Variants in SLIT3 observed in about 807,000 individuals in gnomAD.
SLIT3 encodes slit guidance ligand 3, also known as slit homolog 3 protein.
A neutral mutation model predicts 184.0 loss-of-function variants in SLIT3; 68 were observed. The observed-to-expected ratio is 0.37, with a 90% CI of 0.30 to 0.45. The LOEUF (loss-of-function observed/expected upper bound fraction) is 0.45, where lower values mean the gene tolerates loss of function less well. Among genes scored for constraint, SLIT3 ranks in the 20% least tolerant of loss-of-function variants. The pLI is 1.00. For missense variants in SLIT3, 1,707 were observed against 2,026.0 expected (o/e 0.84, Z 3.02); for synonymous variants, 831 against 828.6 (o/e 1.00, Z -0.05).
At chr5:169,203,795 G>A (rs1763980308) in intron 3 of SLIT3, among the ~76,000 whole-genome samples, 1 of 152,112 alleles carries the variant, frequency 6.6e-6, no homozygotes, top group Non-Finnish European at 1.5e-5. Flanking sequence ...CAAGGATGAG[G>A]CTGATATTTT....
intron 4 of SLIT3, among the ~76,000 whole-genome samples, chr5:168,918,582 T>A (rs1761525094): frequency 6.6e-6 from 1 of 152,206 alleles, no homozygotes; most frequent in Non-Finnish European, 1.5e-5. Flanking sequence ...CCATTTATTA[T>A]GCTCAGGTGG....
In SLIT3 at chr5:168,752,775, C is replaced by T. The variant is rs112599162; in HGVS notation, c.1973+180G>A. On this transcript the variant is annotated intron_variant, in intron 18 of 35. Transcript: ENST00000519560. ...GCTGTGAGTTCCAGGAAGGAGGGGCCGGGTGTGTGCAGCCTCAACACCTAG... is the reference window on the plus strand; with the variant it reads ...GCTGTGAGTTCCAGGAAGGAGGGGCTGGGTGTGTGCAGCCTCAACACCTAG... The T allele has an allele frequency of 4.0e-5, 24 of 603,240 alleles. 1 individual carries two copies. Among genetic ancestry groups the T allele is most frequent in the Non-Finnish European group, 5.9e-5 (20 of 339,776 alleles). 37.4% of individuals were successfully genotyped at this position (603,240 alleles called of 1,614,324 possible).
chr5:168,820,275 T>G (rs1041297382), intron 7 of SLIT3, among the ~76,000 whole-genome samples: 3 of 152,124 alleles, frequency 2.0e-5, no homozygotes, highest in Non-Finnish European at 4.4e-5. Context: ...CCTTCTTCTG[T>G]TCACCTGGCA....
At chr5:168,733,265 A>G (rs546987533) in intron 20 of SLIT3, among the ~76,000 whole-genome samples, 3 of 152,322 alleles carry the variant, frequency 2.0e-5, no homozygotes, top group East Asian at 3.9e-4. Context: ...CAGAATGACC[A>G]TTATTAAAAA....
At chr5:168,766,928 CA>C (rs758381725) in intron 14 of SLIT3, among the ~76,000 whole-genome samples, 61 of 152,300 alleles carry the variant, frequency 4.0e-4, no homozygotes, top group Non-Finnish European at 3.2e-4. Flanking sequence ...TATCAAATCA[CA>C]GTTTTTAAAT....
chr5:169,038,309 G>A (rs1322827160), intron 4 of SLIT3, among the ~76,000 whole-genome samples: 1 of 152,092 alleles, frequency 6.6e-6, no homozygotes, highest in African/African-American at 2.4e-5. Context: ...TTCTCAATAT[G>A]GAACTGCTGA....
At chr5:168,791,398 T>C (rs114873521) in intron 10 of SLIT3, 7,843 of 152,292 alleles carry the variant, frequency 0.051, 259 homozygotes, top group Non-Finnish European at 0.078. Flanking sequence ...GGTTTGGAGG[T>C]GCTGGAGAGT....
chr5:169,215,388 TG>T (rs1764402557), intron 3 of SLIT3, among the ~76,000 whole-genome samples: 1 of 152,238 alleles, frequency 6.6e-6, no homozygotes, highest in African/African-American at 2.4e-5. Context: ...CAGAGTCCTC[TG>T]TCATTATTTT....
intron 12 of SLIT3, among the ~76,000 whole-genome samples, chr5:168,782,877 G>T (rs917079946): frequency 2.6e-5 from 4 of 152,166 alleles, no homozygotes; most frequent in African/African-American, 4.8e-5. Flanking sequence ...ATGAATGGCC[G>T]CAGGAACTGA....
intron 4 of SLIT3, among the ~76,000 whole-genome samples, chr5:169,011,914 G>A (rs186764471): frequency 1.3e-5 from 2 of 150,762 alleles, no homozygotes; most frequent in Non-Finnish European, 2.9e-5. Context: ...TCAACATAGG[G>A]GACTTCAAAA....
At chr5:168,849,691 C>T (rs17666183) in intron 5 of SLIT3, among the ~76,000 whole-genome samples, 27,131 of 152,084 alleles carry the variant, frequency 0.18, 2,467 homozygotes, top group East Asian at 0.25. Flanking sequence ...CTGAATTATA[C>T]TGAAAGGTTT....
At chr5:168,865,482 C>T (rs1759266050) in intron 5 of SLIT3, among the ~76,000 whole-genome samples, 1 of 152,160 alleles carries the variant, frequency 6.6e-6, no homozygotes, top group Non-Finnish European at 1.5e-5. Context: ...ATGTTAGCTA[C>T]ATAAGGTAAC....
intron 2 of SLIT3, among the ~76,000 whole-genome samples, chr5:169,248,684 C>T (rs374646560): frequency 4.5e-4 from 68 of 152,264 alleles, no homozygotes; most frequent in Admixed American, 1.2e-3. Flanking sequence ...CATGTGATGA[C>T]GGCTGGGGTG....
intron 1 of SLIT3, among the ~76,000 whole-genome samples, chr5:169,261,441 CCTT>C (rs1358826497): frequency 6.6e-6 from 1 of 152,092 alleles, no homozygotes; most frequent in Non-Finnish European, 1.5e-5. Context: ...TTCTTCCCTT[CCTT>C]CTTTCTTCTT....
chr5:169,018,840 T>C (rs1359198570), intron 4 of SLIT3: 1 of 152,216 alleles, frequency 6.6e-6, no homozygotes, highest in Non-Finnish European at 1.5e-5. Flanking sequence ...CCTTCTGTTT[T>C]GACTACATCT....
chr5:169,236,482 T>TG (rs113038958), intron 3 of SLIT3, among the ~76,000 whole-genome samples: 15,718 of 151,128 alleles, frequency 0.1, 1,007 homozygotes, highest in African/African-American at 0.15. Flanking sequence ...TGTTTTGTTT[T>TG]TTTTTTTTTT....
intron 4 of SLIT3, among the ~76,000 whole-genome samples, chr5:169,075,304 G>A (rs1053643856): frequency 4.6e-5 from 7 of 152,134 alleles, no homozygotes; most frequent in Non-Finnish European, 1.5e-5. Context: ...TTGATGCCAG[G>A]ATTTTTGCAT....
At chr5:169,162,620 G>A (rs1762515234) in intron 4 of SLIT3, among the ~76,000 whole-genome samples, 1 of 152,202 alleles carries the variant, frequency 6.6e-6, no homozygotes, top group Non-Finnish European at 1.5e-5. Flanking sequence ...ACCACACCAT[G>A]AGTCAAAGCA....
chr5:169,235,135 T>G (rs990491026), intron 3 of SLIT3, among the ~76,000 whole-genome samples: 11 of 152,192 alleles, frequency 7.2e-5, no homozygotes, highest in Non-Finnish European at 4.4e-5. Flanking sequence ...ATTGTTTTCT[T>G]CCTCAGAGAT....
Sources: allele counts gnomAD v4.1 joint callset (sites outside exome capture counted in the v4.1 genomes callset), GRCh38; gene constraint gnomAD v4.1.1; transcripts MANE v1.5; gene names NCBI Gene and HGNC (gene_info 2026-07-23, HGNC 2026-07-21).